The following FMN2 variants were observed in gnomAD, a reference collection of about 807,000 sequenced individuals.
FMN2 encodes formin-2.
FMN2 carries 51 observed loss-of-function variants against 142.3 expected under a neutral mutation model. The observed-to-expected ratio is 0.36, with a 90% CI of 0.29 to 0.45. FMN2 has a LOEUF of 0.45. Ranked by LOEUF, FMN2 falls within the 20% of genes least tolerant of loss-of-function variation. The pLI, the probability that FMN2 is intolerant of heterozygous loss-of-function variation, is 1.00. For missense variants in FMN2, 1,936 were observed against 2,122.8 expected, an observed-to-expected ratio of 0.91 and a Z score of 1.73; for synonymous variants, 882 against 869.8, an observed-to-expected ratio of 1.01 and a Z score of -0.25.
In FMN2 at chr1:240,375,567, C is replaced by A. The variant is rs190834101; in HGVS notation, c.4859-16944C>A. ...TAGGAATATTTGTTGCTCTAACCAT[C>A]AAATGAAATATTTACCCTTTTGAAC... On this transcript the variant is annotated intron_variant, in intron 14 of 17. Coordinates refer to ENST00000319653, the MANE Select transcript of FMN2 (RefSeq NM_020066.5). 3.0e-4 allele frequency among the ~76,000 whole-genome samples: 45 copies of A among 152,254 alleles called. No homozygotes were observed. The Middle Eastern group carries it at 0.02, about 69-fold the overall frequency.
intron 1 of FMN2, among the ~76,000 whole-genome samples, chr1:240,119,205 TG>T (rs1438744788): frequency 6.6e-6 from 1 of 151,974 alleles, no homozygotes; most frequent in Non-Finnish European, 1.5e-5. Context: ...GGCGCATGCC[TG>T]TAATCCCGGC....
intron 2 of FMN2, chr1:240,143,078 C>T (rs1663262361): frequency 1.3e-6 from 2 of 1,512,476 alleles, no homozygotes; most frequent in African/African-American, 1.4e-5. Flanking sequence ...GTGTACCCTT[C>T]CCTAAATGTG....
chr1:240,232,003 T>C (rs1335689361), intron 6 of FMN2, among the ~76,000 whole-genome samples: 1 of 152,222 alleles, frequency 6.6e-6, no homozygotes, highest in East Asian at 1.9e-4. Flanking sequence ...ATTACTTATA[T>C]TCTCTACCAT....
At chr1:240,402,091 G>C (rs1208880923) in intron 15 of FMN2, among the ~76,000 whole-genome samples, 1 of 152,156 alleles carries the variant, frequency 6.6e-6, no homozygotes, top group Non-Finnish European at 1.5e-5. Context: ...TTATCAGCTT[G>C]CTTTGAAAGG....
intron 16 of FMN2, among the ~76,000 whole-genome samples, chr1:240,451,761 G>A (rs1676054713): frequency 6.6e-6 from 1 of 152,096 alleles, no homozygotes; most frequent in Non-Finnish European, 1.5e-5. Context: ...AGTGAGACAT[G>A]AAGGAAGTGT....
Position 240,207,682 on chromosome 1 carries a change from C to T in FMN2, c.2870C>T (p.Pro957Leu), listed in dbSNP as rs1666449595. 6.9e-7 allele frequency: 1 copy of T among 1,440,506 alleles called. No homozygotes were observed. The highest frequency in any genetic ancestry group is 9.6e-7 in the Non-Finnish European group (1 of 1,042,470). 89.2% of individuals were successfully genotyped at this position (1,440,506 alleles called of 1,614,324 possible). A position where few individuals can be genotyped will look rare whatever the true frequency, so the allele number is the denominator to read the frequency against. The change falls in exon 5 of 18, where the codon CCC becomes CTC. Residue 957 changes from proline (P) to leucine (L), a missense_variant. Around this residue, in one of 8 missense-constraint regions of FMN2, gnomAD observed 63 missense variants for 86.3 expected, o/e 0.73. Transcript: ENST00000319653. Reference sequence around the variant, plus strand: ...CCCGGAGCGGCAATACCCCCTCCGCCCCCTCTTCCCGGGGCAGGCATACCC... The same window carrying T: ...CCCGGAGCGGCAATACCCCCTCCGCTCCCTCTTCCCGGGGCAGGCATACCC... ...PLPGAAIPPP[P>L]PLPGAGIPLP...
chr1:240,296,535 G>T (rs1374739669), intron 8 of FMN2, among the ~76,000 whole-genome samples: 1 of 143,820 alleles, frequency 7.0e-6, no homozygotes, highest in Non-Finnish European at 1.5e-5. Context: ...GCCTTAGTTG[G>T]TCCTTAACTT....
intron 16 of FMN2, among the ~76,000 whole-genome samples, chr1:240,460,537 A>G (rs1215869962): frequency 6.6e-6 from 1 of 152,166 alleles, no homozygotes; most frequent in African/African-American, 2.4e-5. Flanking sequence ...AGATCATGCC[A>G]CTGCACTCCT....
chr1:240,289,308 G>C (rs975270786), intron 7 of FMN2, among the ~76,000 whole-genome samples: 1 of 152,016 alleles, frequency 6.6e-6, no homozygotes, highest in Non-Finnish European at 1.5e-5. Context: ...TCAATGTAAG[G>C]CATGTACTAA....
chr1:240,197,298 C>G (rs139327654), intron 4 of FMN2, among the ~76,000 whole-genome samples: 3 of 152,318 alleles, frequency 2.0e-5, no homozygotes, highest in South Asian at 2.1e-4. Flanking sequence ...TTTTCCCAAG[C>G]CTCTCCCCAT....
At chr1:240,404,485 T>C (rs1452881312) in intron 15 of FMN2, among the ~76,000 whole-genome samples, 1 of 152,194 alleles carries the variant, frequency 6.6e-6, no homozygotes, top group East Asian at 1.9e-4. Context: ...ATGACATCAT[T>C]CCCTTAATAA....
At chr1:240,348,192 A>G (rs1671971578) in intron 13 of FMN2, among the ~76,000 whole-genome samples, 1 of 149,810 alleles carries the variant, frequency 6.7e-6, no homozygotes, top group Non-Finnish European at 1.5e-5. Flanking sequence ...CATTTCCTCT[A>G]CAGCCTTGCC....
At position 240,092,098 on chromosome 1, in the gene FMN2, C is replaced by T. The variant is rs912040950; in HGVS notation, c.-12C>T. The T allele has an allele frequency of 1.9e-6, 3 of 1,541,842 alleles. No individual in the cohort carries two copies. Among genetic ancestry groups the T allele is most frequent in the Non-Finnish European group, 2.6e-6 (3 of 1,144,912 alleles). On this transcript the variant is annotated 5_prime_UTR_variant, in exon 1 of 18. Transcript: ENST00000319653. ...TGCCCGCGGCGCGGCGGCGCAGCAG[C>T]GGGATTGCACCATGGGGAACCAGGA...
rs12076823 is a variant in FMN2, at chr1:240,415,893, G to A, written c.4911-22168G>A. On this transcript the variant is annotated intron_variant, in intron 15 of 17. Transcript: ENST00000319653. ...GAATACAACAATGTTAGATATATTC[G>A]TTTTGGAAGATACCTTTCCCCCAGT... Among the ~76,000 whole-genome samples, 983 of 152,230 alleles carry A rather than the reference G, an allele frequency of 6.5e-3. 6 individuals carry two copies. Among genetic ancestry groups the A allele is most frequent in the Non-Finnish European group, 0.011 (746 of 68,024 alleles).
intron 2 of FMN2, among the ~76,000 whole-genome samples, chr1:240,159,654 C>G (rs2103288888): frequency 6.6e-6 from 1 of 152,190 alleles, no homozygotes; most frequent in East Asian, 1.9e-4. Flanking sequence ...AAGCTCAGAA[C>G]AGAGTGTGGG....
chr1:240,244,697 C>T (rs995761493), intron 6 of FMN2, among the ~76,000 whole-genome samples: 8 of 152,214 alleles, frequency 5.3e-5, no homozygotes, highest in Non-Finnish European at 1.0e-4. Flanking sequence ...CCCAAATCTG[C>T]ACCAGCATCA....
chr1:240,264,954 G>A (rs1338926700), intron 7 of FMN2, among the ~76,000 whole-genome samples: 1 of 152,068 alleles, frequency 6.6e-6, no homozygotes, highest in Non-Finnish European at 1.5e-5. Flanking sequence ...GGGAATTCAG[G>A]TTTATAGATG....
At chr1:240,093,805 G>A (rs1200686480) in intron 1 of FMN2, 81 bp downstream of exon 1, 20 of 1,034,030 alleles carry the variant, frequency 1.9e-5, no homozygotes, top group Non-Finnish European at 2.5e-5. Context: ...CCCTCCCTGG[G>A]CTCTGGAAGG....
intron 15 of FMN2, among the ~76,000 whole-genome samples, chr1:240,437,754 C>T (rs1019611443): frequency 6.6e-6 from 1 of 152,172 alleles, no homozygotes; most frequent in Non-Finnish European, 1.5e-5. Context: ...CCGCCACTTT[C>T]AATATGTCTC....
Sources: gnomAD v4.1 joint callset for allele counts (sites outside exome capture counted in the v4.1 genomes callset) on GRCh38, gnomAD v4.1.1 for gene constraint, gnomAD v4.1.1 regional missense constraint, MANE v1.5 for transcripts, NCBI Gene and HGNC (gene_info 2026-07-23, HGNC 2026-07-21) for gene names.